PKNOX2: variants seen among roughly 807,000 people sequenced by gnomAD.
PKNOX2 encodes PBX/knotted 1 homeobox 2, also known as homeobox protein PKNOX2.
Under a neutral mutation model 53.1 loss-of-function variants are expected in PKNOX2, and 14 were observed. The ratio of observed to expected loss-of-function variants is 0.26; its 90% CI spans 0.17 to 0.41. The LOEUF (loss-of-function observed/expected upper bound fraction) is 0.41, where lower values mean the gene tolerates loss of function less well. PKNOX2 is among the 10% of genes least tolerant of loss of function. The pLI is 1.00. For synonymous variants in PKNOX2, 257 were observed against 242.8 expected, an observed-to-expected ratio of 1.06 and a Z score of -0.54; for missense variants, 496 against 602.8, an observed-to-expected ratio of 0.82 and a Z score of 1.85.
At chr11:125,335,726 G>T (rs1242272384) in intron 3 of PKNOX2, among the ~76,000 whole-genome samples, 1 of 152,194 alleles carries the variant, frequency 6.6e-6, no homozygotes, top group Admixed American at 6.5e-5. Context: ...GCTGAGGAGG[G>T]AGGATTGCTT....
chr11:125,192,340 A>C lies in PKNOX2; in HGVS notation c.-201+27564A>C, dbSNP rs377260757. Among the ~76,000 whole-genome samples the C allele has an allele frequency of 5.3e-5, 8 of 152,326 alleles. No homozygotes were observed. In the South Asian group the frequency reaches 8.3e-4, roughly 16 times the overall value. On this transcript the variant is annotated intron_variant, in intron 1 of 12. Coordinates refer to ENST00000298282, the MANE Select transcript of PKNOX2 (RefSeq NM_001382323.2). ...CACTCATTCACAGGCGCTGCGGCTA[A>C]AGAATGTGTCTGAAGGCAGCTTGGG...
At chr11:125,326,312 C>A (rs2136086248) in intron 2 of PKNOX2, among the ~76,000 whole-genome samples, 1 of 152,244 alleles carries the variant, frequency 6.6e-6, no homozygotes, top group Admixed American at 6.5e-5. Flanking sequence ...ACCTGGACAA[C>A]AGAGGAAAGG....
At chr11:125,299,268 G>A (rs1044017980) in intron 2 of PKNOX2, among the ~76,000 whole-genome samples, 2 of 152,122 alleles carry the variant, frequency 1.3e-5, no homozygotes, top group Non-Finnish European at 2.9e-5. Flanking sequence ...AACACCTCCC[G>A]CCCAGCCCCA....
intron 1 of PKNOX2, among the ~76,000 whole-genome samples, chr11:125,167,286 C>G (rs976422959): frequency 6.6e-6 from 1 of 152,174 alleles, no homozygotes; most frequent in Admixed American, 6.5e-5. Context: ...GCCCCCTGCA[C>G]CCCTGGCAGG....
At position 125,394,716 on chromosome 11, in the gene PKNOX2, G is replaced by A. The variant is rs574146447; in HGVS notation, c.400-3158G>A. On this transcript the variant is annotated intron_variant, in intron 6 of 12. Transcript: ENST00000298282. ...CATCCAGGAGCTAGCCAAAAGCTAG[G>A]AGGGTGGGACTAAAAAGAGATCCCA... Among the ~76,000 whole-genome samples, 7 of 152,330 alleles carry A rather than the reference G, an allele frequency of 4.6e-5. No individual in the cohort carries two copies. The East Asian group carries it at 1.2e-3, about 25-fold the overall frequency.
At chr11:125,285,394 C>T (rs972453128) in intron 2 of PKNOX2, among the ~76,000 whole-genome samples, 1 of 152,176 alleles carries the variant, frequency 6.6e-6, no homozygotes, top group Admixed American at 6.5e-5. Flanking sequence ...AGAGAAGGCA[C>T]AGTTCATAGA....
rs2135703780 is a variant in PKNOX2, at chr11:125,430,149, C to A, written c.1192+8C>A. 2 of 1,613,336 alleles carry A rather than the reference C, an allele frequency of 1.2e-6. No individual in the cohort carries two copies. The highest frequency in any genetic ancestry group is 2.2e-5 in the East Asian group (1 of 44,868). ...CAGGGACAAACCCCGATGGTAAGAA[C>A]TGGGGCTGAGTGCACCCTAGACAAG... is the stretch of plus-strand genomic sequence containing the variant. On this transcript the variant is annotated splice_region_variant and intron_variant, in intron 12 of 12. Transcript: ENST00000298282.
chr11:125,337,507 G>C (rs1418988712), intron 3 of PKNOX2, among the ~76,000 whole-genome samples: 1 of 152,188 alleles, frequency 6.6e-6, no homozygotes, highest in Non-Finnish European at 1.5e-5. Flanking sequence ...TGACATGGCT[G>C]CACCATCTCC....
At chr11:125,274,609 A>C (rs1349106760) in intron 2 of PKNOX2, among the ~76,000 whole-genome samples, 1 of 152,238 alleles carries the variant, frequency 6.6e-6, no homozygotes, top group East Asian at 1.9e-4. Context: ...ACACACGGGG[A>C]TGGAACATGT....
At chr11:125,236,608 G>A (rs1410348649) in intron 2 of PKNOX2, among the ~76,000 whole-genome samples, 1 of 152,204 alleles carries the variant, frequency 6.6e-6, no homozygotes, top group Non-Finnish European at 1.5e-5. Flanking sequence ...ACCCAGGAAA[G>A]CTCCCTGGCA....
At chr11:125,375,206 G>A (rs926487106) in intron 5 of PKNOX2, among the ~76,000 whole-genome samples, 5 of 152,156 alleles carry the variant, frequency 3.3e-5, no homozygotes, top group Admixed American at 6.5e-5. Context: ...GGCATCAAAC[G>A]AGGAGAGGAG....
intron 10 of PKNOX2, among the ~76,000 whole-genome samples, chr11:125,428,089 G>C (rs1327291540): frequency 1.3e-5 from 2 of 152,078 alleles, no homozygotes; most frequent in African/African-American, 4.8e-5. Flanking sequence ...CCTTCACTCA[G>C]CAGGCATTTG....
intron 10 of PKNOX2, among the ~76,000 whole-genome samples, chr11:125,413,730 C>G (rs1412170640): frequency 6.6e-6 from 1 of 152,128 alleles, no homozygotes; most frequent in African/African-American, 2.4e-5. Context: ...GGACCCTGGC[C>G]CACTGAATTG....
intron 10 of PKNOX2, among the ~76,000 whole-genome samples, chr11:125,428,348 C>T (rs1323816410): frequency 1.3e-5 from 2 of 152,128 alleles, no homozygotes; most frequent in Non-Finnish European, 1.5e-5. Flanking sequence ...ATCTGGGGGA[C>T]ACTGGAGGAG....
intron 2 of PKNOX2, among the ~76,000 whole-genome samples, chr11:125,275,916 C>CA (rs2135816931): frequency 6.6e-6 from 1 of 151,994 alleles, no homozygotes; most frequent in Admixed American, 6.5e-5. Context: ...GTCCTTAAAG[C>CA]AATGGGGAAA....
intron 2 of PKNOX2, among the ~76,000 whole-genome samples, chr11:125,261,150 G>A (rs1944818189): frequency 6.6e-6 from 1 of 152,218 alleles, no homozygotes; most frequent in African/African-American, 2.4e-5. Context: ...TGGATCGTGG[G>A]TCCTGGGTTA....
chr11:125,172,233 G>A (rs568101687), intron 1 of PKNOX2, among the ~76,000 whole-genome samples: 26 of 152,310 alleles, frequency 1.7e-4, no homozygotes, highest in African/African-American at 5.8e-4. Context: ...GGAGCACCAG[G>A]TAAGGCCTTG....
rs1412426796 is a variant in PKNOX2, at chr11:125,165,209, C to T, written c.-201+433C>T. Among the ~76,000 whole-genome samples the T allele has an allele frequency of 6.6e-6, 1 of 151,322 alleles. No homozygotes were observed. The highest frequency in any genetic ancestry group is 2.4e-5 in the African/African-American group (1 of 41,338). On this transcript the variant is annotated intron_variant, in intron 1 of 12. Transcript: ENST00000298282. This position sits in a 1 kb window ranked among gnomAD's most constrained non-coding sequence, Gnocchi z 4.5. Reference sequence around the variant, plus strand: ...CCCGTGGCCGGCCGCGCATTGTCCTCGGGTGCAAGGAGCCGGGCTGCGGAC... The same window carrying T: ...CCCGTGGCCGGCCGCGCATTGTCCTTGGGTGCAAGGAGCCGGGCTGCGGAC...
chr11:125,346,743 T>C (rs1321451081), intron 3 of PKNOX2, among the ~76,000 whole-genome samples: 2 of 136,662 alleles, frequency 1.5e-5, no homozygotes, highest in Non-Finnish European at 3.0e-5. Context: ...TTAGCTGCTA[T>C]GGAAGGAAGG....
Sources: allele counts gnomAD v4.1 joint callset (sites outside exome capture counted in the v4.1 genomes callset), GRCh38; gene constraint gnomAD v4.1.1; non-coding constraint Gnocchi (gnomAD v3.1); transcripts MANE v1.5; gene names NCBI Gene and HGNC (gene_info 2026-07-23, HGNC 2026-07-21).